The following BTAF1 variants were observed in gnomAD, a reference collection of about 807,000 sequenced individuals.
BTAF1 encodes TATA-binding protein-associated factor 172.
BTAF1 carries 38 observed loss-of-function variants against 227.1 expected under a neutral mutation model. The ratio of observed to expected loss-of-function variants is 0.17; its 90% confidence interval spans 0.13 to 0.22. The LOEUF (loss-of-function observed/expected upper bound fraction) is 0.22, where lower values mean the gene tolerates loss of function less well. BTAF1 is among the 10% of genes least tolerant of loss of function. BTAF1 has a pLI of 1.00. For synonymous variants in BTAF1, 742 were observed against 751.9 expected (o/e 0.99, Z 0.21); for missense variants, 1,598 against 2,204.0 (o/e 0.73, Z 5.51).
At chr10:91,988,476 TA>T (rs1262391060) in intron 19 of BTAF1, among the ~76,000 whole-genome samples, 1 of 152,046 alleles carries the variant, frequency 6.6e-6, no homozygotes, top group Non-Finnish European at 1.5e-5. Flanking sequence ...ATAAAGTTGT[TA>T]AAAAAAAGAC....
rs1402538820 is a variant in BTAF1 at position 92,029,453 on chromosome 10, G to A, written c.*520G>A. The A allele has an allele frequency of 6.6e-6, 1 of 152,248 alleles. No homozygotes were observed. Among genetic ancestry groups the A allele is most frequent in the Non-Finnish European group, 1.5e-5 (1 of 67,882 alleles). The allele number at this position is 152,248 out of a possible 1,614,324, so 9.4% of individuals were successfully genotyped here. ...AATGTCAGACAATGAATTTAATCGG[G>A]CCCTTGGTGGAAACATTTATATATT... On this transcript the variant is annotated 3_prime_UTR_variant, in exon 38 of 38. Transcript: ENST00000265990.
At chr10:91,943,191 G>A (rs1159838406) in intron 4 of BTAF1, among the ~76,000 whole-genome samples, 2 of 152,140 alleles carry the variant, frequency 1.3e-5, no homozygotes, top group Admixed American at 1.3e-4. Flanking sequence ...GCGAGCGCCT[G>A]TAATGCCAGC....
intron 8 of BTAF1, among the ~76,000 whole-genome samples, chr10:91,957,783 T>C (rs1026268829): frequency 1.3e-5 from 2 of 152,178 alleles, no homozygotes; most frequent in Non-Finnish European, 2.9e-5. Flanking sequence ...AAAACATTTA[T>C]TTAGAATACC....
At chr10:92,007,113 G>GT (rs1257231113) in intron 25 of BTAF1, among the ~76,000 whole-genome samples, 1 of 146,146 alleles carries the variant, frequency 6.8e-6, no homozygotes, top group Non-Finnish European at 1.5e-5. Context: ...AGAATTCACA[G>GT]TTTTTTTCCT....
chr10:91,989,619 CT>C, intron 20 of BTAF1, 39 bp downstream of exon 20: 1 of 1,514,106 alleles, frequency 6.6e-7, no homozygotes, highest in Non-Finnish European at 8.9e-7. Flanking sequence ...GAGAAATAAC[CT>C]TTTAAATTTG....
At chr10:91,949,357 T>C (rs1236262457) in intron 4 of BTAF1, among the ~76,000 whole-genome samples, 1 of 152,226 alleles carries the variant, frequency 6.6e-6, no homozygotes, top group Non-Finnish European at 1.5e-5. Context: ...AATTCTAACA[T>C]CTGAGACATC....
Position 92,018,695 on chromosome 10 carries a change from T to C in BTAF1, c.4711-88T>C, listed in dbSNP as rs1850909521. ...AGGGAGAAAGGCATTCTAAACAGCA[T>C]AGGAAATAGCATAGGGAAAGATACA... On this transcript the variant is annotated intron_variant, in intron 33 of 37. Transcript: ENST00000265990. The C allele has an allele frequency of 4.1e-6, 5 of 1,230,608 alleles. No individual in the cohort carries two copies. In the East Asian group the frequency reaches 1.3e-4, roughly 32 times the overall value. The allele number at this position is 1,230,608 out of a possible 1,614,324, so 76.2% of individuals were successfully genotyped here.
intron 32 of BTAF1, among the ~76,000 whole-genome samples, chr10:92,015,178 ATT>A (rs1294915442): frequency 6.6e-6 from 1 of 152,220 alleles, no homozygotes; most frequent in Non-Finnish European, 1.5e-5. Flanking sequence ...AAAGACCATT[ATT>A]AAAGGAATTT....
chr10:91,941,315 A>G (rs917137242), intron 3 of BTAF1, among the ~76,000 whole-genome samples: 1 of 152,242 alleles, frequency 6.6e-6, no homozygotes, highest in South Asian at 2.1e-4. Context: ...TAAAATTTTT[A>G]CTAAATGAAT....
chr10:92,025,060 T>A, intron 35 of BTAF1, 93 bp downstream of exon 35: 1 of 1,089,546 alleles, frequency 9.2e-7, no homozygotes, highest in Non-Finnish European at 1.3e-6. Flanking sequence ...GCTAAATATC[T>A]GCAAATGCAT....
At chr10:91,924,621 C>T (rs185826691) in intron 1 of BTAF1, among the ~76,000 whole-genome samples, 1 of 152,346 alleles carries the variant, frequency 6.6e-6, no homozygotes, top group East Asian at 1.9e-4. Flanking sequence ...ATTCCAACGT[C>T]AGCGTTGTAA....
At chr10:91,953,707 T>C in intron 5 of BTAF1, 30 bp from the exon 6 acceptor site, 1 of 1,603,696 alleles carries the variant, frequency 6.2e-7, no homozygotes, top group Non-Finnish European at 8.5e-7. Flanking sequence ...ATTTCAAAAG[T>C]TCCAACTCAG....
chr10:91,984,563 A>G (rs1848273227), intron 19 of BTAF1, among the ~76,000 whole-genome samples, 159 bp downstream of exon 19: 1 of 152,202 alleles, frequency 6.6e-6, no homozygotes, highest in African/African-American at 2.4e-5. Flanking sequence ...ATTTCATTGT[A>G]TAGGCTTTTC....
chr10:91,938,795 C>A (rs1422779925), intron 2 of BTAF1, among the ~76,000 whole-genome samples: 1 of 152,088 alleles, frequency 6.6e-6, no homozygotes, highest in Admixed American at 6.6e-5. Flanking sequence ...CTGCAGTGTG[C>A]TATGATTGCA....
In BTAF1 at chr10:92,030,573, G is replaced by A. The variant is rs1316820789; in HGVS notation, c.*1640G>A. The stretch of plus-strand genomic sequence containing the variant: ...AGTACAGAGCAATATATCATTAAAG[G>A]GCTATGAAGGGGCAAAAGAAATCAC... On this transcript the variant is annotated 3_prime_UTR_variant, in exon 38 of 38. Transcript: ENST00000265990. Among the ~76,000 whole-genome samples the A allele has an allele frequency of 2.6e-5, 4 of 152,042 alleles. No homozygotes were observed. The highest frequency in any genetic ancestry group is 9.7e-5 in the African/African-American group (4 of 41,424).
chr10:91,959,189 T>C lies in BTAF1; in HGVS notation c.990+35T>C, dbSNP rs1278039918. Reference sequence around the variant, plus strand: ...TTAATGCAACAATTATCACCAAGTATTAATAGTTGGCATCTTTTTCCAATG... The same window carrying C: ...TTAATGCAACAATTATCACCAAGTACTAATAGTTGGCATCTTTTTCCAATG... On this transcript the variant is annotated intron_variant, in intron 9 of 37. Coordinates refer to ENST00000265990, the MANE Select transcript of BTAF1 (RefSeq NM_003972.3). 6 of 1,612,932 alleles carry C rather than the reference T, an allele frequency of 3.7e-6. No individual in the cohort carries two copies. The South Asian group carries it at 6.6e-5, about 18-fold the overall frequency.
intron 25 of BTAF1, among the ~76,000 whole-genome samples, chr10:92,002,629 TGTTA>T (rs1332058665): frequency 1.3e-5 from 2 of 152,190 alleles, no homozygotes; most frequent in Admixed American, 6.5e-5. Flanking sequence ...TGTTCTGAAA[TGTTA>T]GTTTTTCTCT....
chr10:91,964,098 T>C lies in BTAF1; in HGVS notation c.1426T>C (p.Leu476=), dbSNP rs1224265729. ...TQKVPFIINT[L]WDALLELDDL... is the part of the protein sequence containing the mutation. ...ATAGGTGCCCTTCATTATAAATACA[T>C]TGTGGGATGCTCTTCTGGAATTAGA... Residue 476 remains leucine (L), a synonymous_variant, in exon 13 of 38, where the codon TTG becomes CTG. Coordinates refer to ENST00000265990, the MANE Select transcript of BTAF1 (RefSeq NM_003972.3). 2 of 1,613,466 alleles carry C rather than the reference T, an allele frequency of 1.2e-6. No homozygotes were observed. Among genetic ancestry groups the C allele is most frequent in the East Asian group, 2.2e-5 (1 of 44,856 alleles).
intron 2 of BTAF1, among the ~76,000 whole-genome samples, chr10:91,939,072 T>G (rs1306916054): frequency 6.6e-6 from 1 of 152,116 alleles, no homozygotes; most frequent in Non-Finnish European, 1.5e-5. Flanking sequence ...CTGAAGTCTT[T>G]GAATCCATGA....
Sources: allele counts gnomAD v4.1 joint callset (sites outside exome capture counted in the v4.1 genomes callset), GRCh38; gene constraint gnomAD v4.1.1; transcripts MANE v1.5; gene names NCBI Gene and HGNC (gene_info 2026-07-23, HGNC 2026-07-21).